GRM5: variants seen among roughly 807,000 people sequenced by gnomAD.
GRM5 encodes the protein metabotropic glutamate receptor 5.
GRM5 carries 19 observed loss-of-function variants against 83.1 expected under a neutral mutation model. That is an observed-to-expected ratio of 0.23 (90% CI 0.16 to 0.34). The LOEUF (loss-of-function observed/expected upper bound fraction) is 0.34. Among genes scored for constraint, GRM5 ranks in the 10% least tolerant of loss-of-function variants. GRM5 has a pLI of 1.00. For synonymous variants in GRM5, 675 were observed against 633.6 expected (o/e 1.07, Z -0.98); for missense variants, 1,160 against 1,588.3 (o/e 0.73, Z 4.58).
Position 88,550,420 on chromosome 11 carries a change from G to A in GRM5, c.2630+16633C>T, listed in dbSNP as rs150610234. ...AAAATAAAACTGATAAAATGAAACC[G>A]TGTACTTCATCTGAATCTGTCTTTA... On this transcript the variant is annotated intron_variant, in intron 8 of 9. Coordinates refer to ENST00000305447, the MANE Select transcript of GRM5 (RefSeq NM_001143831.3). Among the ~76,000 whole-genome samples the A allele has an allele frequency of 3.1e-3, 476 of 152,246 alleles. 1 individual carries two copies. The highest frequency in any genetic ancestry group is 5.5e-3 in the Non-Finnish European group (372 of 67,992).
chr11:88,819,487 T>G (rs1943748552), intron 3 of GRM5, among the ~76,000 whole-genome samples: 1 of 152,204 alleles, frequency 6.6e-6, no homozygotes, highest in African/African-American at 2.4e-5. Flanking sequence ...ACTGCACAGA[T>G]TTTTCCCAGA....
rs180913524 is a variant in GRM5, at chr11:88,542,307, T to C, written c.2631-16903A>G. On this transcript the variant is annotated intron_variant, in intron 8 of 9. Coordinates refer to ENST00000305447, the MANE Select transcript of GRM5 (RefSeq NM_001143831.3). Reference sequence around the variant, plus strand: ...CTGTTGAACACTGAGGCTTGTATTGTAGAACACTAGATTAAAGAAAATAAC... The same window carrying C: ...CTGTTGAACACTGAGGCTTGTATTGCAGAACACTAGATTAAAGAAAATAAC... Among the ~76,000 whole-genome samples the C allele has an allele frequency of 1.4e-4, 21 of 152,162 alleles. No homozygotes were observed. The East Asian group carries it at 3.7e-3, about 27-fold the overall frequency.
At chr11:88,796,044 G>A (rs1227938624) in intron 3 of GRM5, among the ~76,000 whole-genome samples, 2 of 152,186 alleles carry the variant, frequency 1.3e-5, no homozygotes, top group Admixed American at 6.5e-5. Flanking sequence ...GTCTTCTGAA[G>A]GATATAATTA....
intron 9 of GRM5, among the ~76,000 whole-genome samples, chr11:88,520,135 A>G (rs1941641348): frequency 6.6e-6 from 1 of 152,152 alleles, no homozygotes; most frequent in South Asian, 2.1e-4. Flanking sequence ...CCTTCTTTAT[A>G]TGTTCTTGGG....
intron 3 of GRM5, among the ~76,000 whole-genome samples, chr11:88,721,496 A>T (rs1371733377): frequency 1.3e-5 from 2 of 152,140 alleles, no homozygotes; most frequent in East Asian, 3.9e-4. Context: ...ACAAAAACAC[A>T]GTCTAATATT....
chr11:88,956,844 T>G (rs1938633387), intron 2 of GRM5, among the ~76,000 whole-genome samples: 1 of 152,156 alleles, frequency 6.6e-6, no homozygotes, highest in Non-Finnish European at 1.5e-5. Context: ...TACAATAACT[T>G]CTATTTTGTT....
At chr11:88,879,999 G>T (rs868184881) in intron 2 of GRM5, among the ~76,000 whole-genome samples, 12 of 152,176 alleles carry the variant, frequency 7.9e-5, no homozygotes, top group African/African-American at 2.9e-4. Context: ...TTAATGAAGT[G>T]GTTTGGGTAC....
chr11:88,593,339 A>T (rs1937695171), intron 6 of GRM5, among the ~76,000 whole-genome samples: 1 of 152,108 alleles, frequency 6.6e-6, no homozygotes. Context: ...TGGGATTTTT[A>T]AAAAAGGACT....
intron 2 of GRM5, among the ~76,000 whole-genome samples, chr11:88,943,780 T>C (rs2135669706): frequency 6.6e-6 from 1 of 152,120 alleles, no homozygotes; most frequent in East Asian, 1.9e-4. Context: ...TCCAGATTTC[T>C]CTCTTTTTGT....
chr11:89,051,013 T>C (rs1941747142), intron 1 of GRM5, among the ~76,000 whole-genome samples: 1 of 152,036 alleles, frequency 6.6e-6, no homozygotes, highest in South Asian at 2.1e-4. Flanking sequence ...ACTTCATACA[T>C]GGGTGATGAA....
At chr11:88,898,781 ATATC>A (rs1167193685) in intron 2 of GRM5, among the ~76,000 whole-genome samples, 1 of 152,016 alleles carries the variant, frequency 6.6e-6, no homozygotes, top group African/African-American at 2.4e-5. Flanking sequence ...TTTGAACTAT[ATATC>A]TATTTATCTA....
intron 3 of GRM5, among the ~76,000 whole-genome samples, chr11:88,695,553 T>C (rs1244083590): frequency 6.6e-6 from 1 of 152,200 alleles, no homozygotes; most frequent in Non-Finnish European, 1.5e-5. Context: ...ATCTTTCCCA[T>C]TGCCAAAGAA....
chr11:88,537,516 C>T (rs1462377861), intron 8 of GRM5, among the ~76,000 whole-genome samples: 6 of 152,044 alleles, frequency 3.9e-5, no homozygotes, highest in Non-Finnish European at 2.9e-5. Flanking sequence ...GTCAGCCTTC[C>T]AAGTCTAATT....
At chr11:88,769,974 G>T (rs1942699439) in intron 3 of GRM5, among the ~76,000 whole-genome samples, 1 of 152,010 alleles carries the variant, frequency 6.6e-6, no homozygotes, top group Non-Finnish European at 1.5e-5. Context: ...ACTTCAGTCA[G>T]GTGATCAAGG....
At chr11:88,901,840 G>A (rs774066594) in intron 2 of GRM5, among the ~76,000 whole-genome samples, 11 of 151,966 alleles carry the variant, frequency 7.2e-5, no homozygotes, top group African/African-American at 1.2e-4. Context: ...TACCTTTTCC[G>A]AATGCATCTC....
At chr11:88,993,132 G>A (rs1198743671) in intron 2 of GRM5, among the ~76,000 whole-genome samples, 3 of 151,766 alleles carry the variant, frequency 2.0e-5, no homozygotes, top group South Asian at 4.2e-4. Context: ...TGGGCATCCT[G>A]GCGGGCGCCT....
At chr11:88,948,662 A>G (rs1020810130) in intron 2 of GRM5, among the ~76,000 whole-genome samples, 3 of 152,194 alleles carry the variant, frequency 2.0e-5, no homozygotes, top group African/African-American at 7.2e-5. Flanking sequence ...TCCAGCTAAC[A>G]TGCACACACC....
At chr11:88,795,418 G>A (rs899429686) in intron 3 of GRM5, among the ~76,000 whole-genome samples, 3 of 152,178 alleles carry the variant, frequency 2.0e-5, no homozygotes, top group East Asian at 3.8e-4. Flanking sequence ...AGTTGGAAGA[G>A]AAGGGAAAAT....
chr11:88,509,103 T>G lies in GRM5; in HGVS notation c.3128A>C (p.His1043Pro), dbSNP rs201851359. The G allele has an allele frequency of 9.0e-4, 1,397 of 1,547,594 alleles. No homozygotes were observed. The highest frequency in any genetic ancestry group is 1.3e-3 in the Admixed American group (66 of 51,060). ...GCTGCTGCGCGCCACAGGCTCCGAGTGCAGCGACGGCACATCGTCGTCCGT... is the reference window on the plus strand; with the variant it reads ...GCTGCTGCGCGCCACAGGCTCCGAGGGCAGCGACGGCACATCGTCGTCCGT... ...SRTDDDVPSLHSEPVARSSSS... is the reference protein window; with the variant it reads ...SRTDDDVPSLPSEPVARSSSS... The change falls in exon 10 of 10, where the codon CAC (histidine) becomes CCC (proline). Residue 1043 changes from histidine to proline, a missense_variant. By Grantham distance (77) the His-to-Pro change is moderately conservative. This residue lies in a region of GRM5 where 562 missense variants were observed against 532.4 expected (regional missense o/e 1.06). Transcript: ENST00000305447.
Sources: gnomAD v4.1 joint callset for allele counts (sites outside exome capture counted in the v4.1 genomes callset) on GRCh38, gnomAD v4.1.1 for gene constraint, gnomAD v4.1.1 regional missense constraint, MANE v1.5 for transcripts, NCBI Gene and HGNC (gene_info 2026-07-23, HGNC 2026-07-21) for gene names.